The following HACE1 variants were observed in gnomAD, a reference collection of about 807,000 sequenced individuals.
HACE1 encodes the protein E3 ubiquitin-protein ligase HACE1.
HACE1 carries 73 observed loss-of-function variants against 118.4 expected under a neutral mutation model. That is an observed-to-expected ratio of 0.62 (90% CI 0.51 to 0.75). HACE1 has a LOEUF of 0.75. HACE1 is among the 30% of genes least tolerant of loss of function. The pLI is 0.00. For synonymous variants in HACE1, 368 were observed against 374.8 expected, an observed-to-expected ratio of 0.98 and a Z score of 0.21; for missense variants, 749 against 1,102.2, an observed-to-expected ratio of 0.68 and a Z score of 4.54.
intron 19 of HACE1, 145 bp downstream of exon 19, chr6:104,771,048 T>C (rs1780547316): frequency 1.6e-6 from 1 of 637,006 alleles, no homozygotes; most frequent in Non-Finnish European, 2.8e-6. Context: ...TAACATTTGA[T>C]TGTTTTATTA....
chr6:104,810,227 A>C (rs1036908923), intron 7 of HACE1, among the ~76,000 whole-genome samples: 1 of 152,118 alleles, frequency 6.6e-6, no homozygotes, highest in Non-Finnish European at 1.5e-5. Flanking sequence ...ATAATGCAAG[A>C]AAATGGCTGG....
In HACE1 at chr6:104,729,879, C is replaced by T. The variant is rs1775018765; in HGVS notation, c.2628-115G>A. ...ACATAAAATCATCCTCCCAAATTTGCATTCAGATTGAAAAACCCTAAAGTG... is the reference window on the plus strand; with the variant it reads ...ACATAAAATCATCCTCCCAAATTTGTATTCAGATTGAAAAACCCTAAAGTG... On this transcript the variant is annotated intron_variant, in intron 23 of 23. Transcript: ENST00000262903. 5.8e-6 allele frequency: 4 copies of T among 692,006 alleles called. No homozygotes were observed. The African/African-American group carries it at 7.1e-5, about 12-fold the overall frequency. 42.9% of individuals were successfully genotyped at this position (692,006 alleles called of 1,614,324 possible). A position where few individuals can be genotyped will look rare whatever the true frequency, so the allele number is the denominator to read the frequency against.
At chr6:104,767,339 A>G (rs1274732684) in intron 19 of HACE1, among the ~76,000 whole-genome samples, 2 of 152,132 alleles carry the variant, frequency 1.3e-5, no homozygotes, top group Non-Finnish European at 2.9e-5. Context: ...CAAGTTCTAT[A>G]AATTCTATTA....
intron 22 of HACE1, among the ~76,000 whole-genome samples, chr6:104,743,219 G>C (rs982498941): frequency 6.7e-6 from 1 of 150,026 alleles, no homozygotes; most frequent in Non-Finnish European, 1.5e-5. Flanking sequence ...GCTAGATGAC[G>C]AGTTAGTGGG....
chr6:104,807,019 CTTT>C (rs371450175), intron 7 of HACE1, among the ~76,000 whole-genome samples: 4 of 129,170 alleles, frequency 3.1e-5, no homozygotes, highest in Non-Finnish European at 1.7e-5. Flanking sequence ...TGTAAGAATT[CTTT>C]TTTTTTTTTT....
At chr6:104,784,513 A>T in intron 12 of HACE1, 28 bp from the exon 13 acceptor site, 1 of 1,506,226 alleles carries the variant, frequency 6.6e-7, no homozygotes, top group Non-Finnish European at 9.2e-7. Flanking sequence ...CAATCAGAAT[A>T]CACAGGCAAA....
At chr6:104,733,499 A>C (rs901532083) in intron 22 of HACE1, among the ~76,000 whole-genome samples, 8 of 152,216 alleles carry the variant, frequency 5.3e-5, no homozygotes, top group African/African-American at 1.9e-4. Flanking sequence ...GAATATTATG[A>C]CACTTAGATT....
chr6:104,816,725 C>A (rs1265122607), intron 6 of HACE1, among the ~76,000 whole-genome samples: 1 of 152,104 alleles, frequency 6.6e-6, no homozygotes, highest in East Asian at 1.9e-4. Flanking sequence ...CAATAGGAGA[C>A]CCACTGACAG....
Position 104,744,493 on chromosome 6 carries a change from A to ATAG in HACE1, c.2442+18_2442+19insCTA, listed in dbSNP as rs1215530088. 1 of 1,310,730 alleles carries ATAG rather than the reference A, an allele frequency of 7.6e-7. No individual in the cohort carries two copies. Among genetic ancestry groups the ATAG allele is most frequent in the Non-Finnish European group, 1.1e-6 (1 of 903,140 alleles). The allele number at this position is 1,310,730 out of a possible 1,614,324, so 81.2% of individuals were successfully genotyped here. A position where few individuals can be genotyped will look rare whatever the true frequency, so the allele number is the denominator to read the frequency against. On this transcript the variant is annotated intron_variant, in intron 21 of 23. Transcript: ENST00000262903. ...AACGGCAAAACTTAACTTCATTCTA[A>ATAG]GCTCTAGAGAAATTTTACCTGAATA...
intron 5 of HACE1, among the ~76,000 whole-genome samples, chr6:104,834,303 G>A (rs9486021): frequency 0.2 from 30,040 of 152,038 alleles, 3,035 homozygotes; most frequent in East Asian, 0.26. Flanking sequence ...TCTTTTCCCA[G>A]AAGCAAACAT....
intron 22 of HACE1, among the ~76,000 whole-genome samples, chr6:104,734,598 G>C (rs893807322): frequency 6.6e-6 from 1 of 151,884 alleles, no homozygotes; most frequent in Admixed American, 6.6e-5. Context: ...TCAATCCAAG[G>C]GTGAAGCTAG....
chr6:104,816,698 C>T (rs928623242), intron 6 of HACE1, among the ~76,000 whole-genome samples: 1 of 152,160 alleles, frequency 6.6e-6, no homozygotes, highest in African/African-American at 2.4e-5. Flanking sequence ...AAGAGGGCCA[C>T]CACCCCCCAG....
At chr6:104,794,963 C>G (rs1172767215) in intron 10 of HACE1, among the ~76,000 whole-genome samples, 1 of 151,760 alleles carries the variant, frequency 6.6e-6, no homozygotes, top group Non-Finnish European at 1.5e-5. Context: ...CAATTTCTTG[C>G]AGGCTAAGAA....
At chr6:104,733,791 G>T (rs886364438) in intron 22 of HACE1, among the ~76,000 whole-genome samples, 1 of 149,848 alleles carries the variant, frequency 6.7e-6, no homozygotes, top group African/African-American at 2.5e-5. Flanking sequence ...AGTGAGCTGA[G>T]ATCAACCACT....
intron 22 of HACE1, among the ~76,000 whole-genome samples, chr6:104,733,754 C>A (rs997195302): frequency 6.6e-6 from 1 of 151,352 alleles, no homozygotes; most frequent in Non-Finnish European, 1.5e-5. Context: ...GAAGGAGAAT[C>A]GCTTGAACCC....
At chr6:104,744,880 A>G (rs1447665525) in intron 20 of HACE1, among the ~76,000 whole-genome samples, 1 of 152,164 alleles carries the variant, frequency 6.6e-6, no homozygotes, top group East Asian at 1.9e-4. Flanking sequence ...TTATGTGTGA[A>G]CATATGCAAC....
At chr6:104,844,365 G>A (rs12209671) in intron 4 of HACE1, among the ~76,000 whole-genome samples, 2 of 128,180 alleles carry the variant, frequency 1.6e-5, no homozygotes, top group Non-Finnish European at 3.3e-5. Flanking sequence ...TTTTTGAGAC[G>A]GAGTTTCACT....
chr6:104,773,407 G>T (rs1250034136), intron 17 of HACE1, among the ~76,000 whole-genome samples: 1 of 152,102 alleles, frequency 6.6e-6, no homozygotes, highest in Non-Finnish European at 1.5e-5. Flanking sequence ...TAGATATAAG[G>T]TATAAATTTG....
Position 104,771,914 on chromosome 6 carries a change from T to C in HACE1, c.2014+11A>G, listed in dbSNP as rs745535026. 45 of 1,554,782 alleles carry C rather than the reference T, an allele frequency of 2.9e-5. No homozygotes were observed. Among genetic ancestry groups the C allele is most frequent in the Middle Eastern group, 3.4e-4 (2 of 5,952 alleles). The stretch of plus-strand genomic sequence containing the variant: ...AAATAAATGTCTGCAGAAATAATAA[T>C]AGAGCCATACCAAGAATGTGCTTGT... On this transcript the variant is annotated intron_variant, in intron 18 of 23. Coordinates refer to ENST00000262903, the MANE Select transcript of HACE1 (RefSeq NM_020771.4).
Sources: allele counts gnomAD v4.1 joint callset (sites outside exome capture counted in the v4.1 genomes callset), GRCh38; gene constraint gnomAD v4.1.1; transcripts MANE v1.5; gene names NCBI Gene and HGNC (gene_info 2026-07-23, HGNC 2026-07-21).